The following CPSF6 variants were observed in gnomAD, a reference collection of about 807,000 sequenced individuals.
CPSF6 encodes cleavage and polyadenylation specific factor 6.
A neutral mutation model predicts 56.7 loss-of-function variants in CPSF6; 10 were observed. The observed-to-expected ratio is 0.18, with a 90% CI of 0.11 to 0.30. The LOEUF is 0.30. Ranked by LOEUF, CPSF6 falls within the 10% of genes least tolerant of loss-of-function variation. The pLI is 1.00. For synonymous variants in CPSF6, 248 were observed against 244.8 expected (o/e 1.01, Z -0.12); for missense variants, 419 against 722.9 (o/e 0.58, Z 4.82).
At chr12:69,251,486 A>G in intron 2 of CPSF6, 148 bp downstream of exon 2, 2 of 531,430 alleles carry the variant, frequency 3.8e-6, no homozygotes, top group Non-Finnish European at 6.4e-6. Context: ...GGAAATACAA[A>G]TATCTTTGCA....
chr12:69,253,795 G>C (rs937298110), intron 3 of CPSF6, among the ~76,000 whole-genome samples: 1 of 151,986 alleles, frequency 6.6e-6, no homozygotes, highest in Admixed American at 6.6e-5. Flanking sequence ...ATCATACCTG[G>C]TATGCTACTG....
rs1354515358 is a variant in CPSF6 at position 69,273,670 on chromosome 12, T to C, written c.*4162T>C. 6.6e-6 allele frequency: 1 copy of C among 151,994 alleles called. No individual in the cohort carries two copies. Among genetic ancestry groups the C allele is most frequent in the East Asian group, 1.9e-4 (1 of 5,204 alleles). 9.4% of individuals were successfully genotyped at this position (151,994 alleles called of 1,614,324 possible). ...CAACATTCTGTAAGTTAAATTATTT[T>C]AAAATAACTATGGTGAATTCATGTT... On this transcript the variant is annotated 3_prime_UTR_variant, in exon 10 of 10. Coordinates refer to ENST00000435070, the MANE Select transcript of CPSF6 (RefSeq NM_007007.3).
intron 3 of CPSF6, 115 bp from the exon 4 acceptor site, chr12:69,256,582 C>A: frequency 9.7e-7 from 1 of 1,033,422 alleles, no homozygotes; most frequent in Non-Finnish European, 1.4e-6. Flanking sequence ...GCATGAGCCA[C>A]TGTGCCCAGC....
chr12:69,257,603 G>A (rs910892495), intron 4 of CPSF6, 129 bp from the exon 5 acceptor site: 1 of 773,136 alleles, frequency 1.3e-6, no homozygotes. Context: ...ACTTTCTTAT[G>A]TAGTTTGCAT....
At chr12:69,248,861 T>A (rs1183983849) in intron 1 of CPSF6, among the ~76,000 whole-genome samples, 1 of 152,156 alleles carries the variant, frequency 6.6e-6, no homozygotes, top group Non-Finnish European at 1.5e-5. Context: ...ATTAATTACA[T>A]AAACGATTAC....
intron 4 of CPSF6, 93 bp from the exon 5 acceptor site, chr12:69,257,639 A>G (rs1872567160): frequency 4.3e-6 from 5 of 1,175,910 alleles, no homozygotes; most frequent in East Asian, 2.5e-5. Context: ...GCAAGTTAAT[A>G]TATTAGAAAT....
intron 8 of CPSF6, among the ~76,000 whole-genome samples, chr12:69,260,411 AC>A (rs1402761159): frequency 6.7e-6 from 1 of 149,862 alleles, no homozygotes; most frequent in African/African-American, 2.4e-5. Context: ...AGATTGAGGG[AC>A]TGTGTGATAA....
intron 1 of CPSF6, among the ~76,000 whole-genome samples, chr12:69,240,576 T>G (rs1759430391): frequency 6.6e-6 from 1 of 152,108 alleles, no homozygotes; most frequent in African/African-American, 2.4e-5. Context: ...CACCCACAGA[T>G]CTCATAGTGA....
rs575587234 is a variant in CPSF6 at position 69,273,199 on chromosome 12, A to G, written c.*3691A>G. The stretch of plus-strand genomic sequence containing the variant: ...TCTTTCTTGGCATTAGAAAGAAGCA[A>G]TATGAATTTTTGTGAATATTCTAAA... On this transcript the variant is annotated 3_prime_UTR_variant, in exon 10 of 10. Transcript: ENST00000435070. 3.8e-4 allele frequency: 194 copies of G among 517,262 alleles called. 3 individuals are homozygous for G. The highest frequency in any genetic ancestry group is 2.7e-3 in the South Asian group (185 of 68,216). The allele number at this position is 517,262 out of a possible 1,614,324, so 32.0% of individuals were successfully genotyped here.
In CPSF6 at chr12:69,263,537, G is replaced by A. The variant is rs1211343343; in HGVS notation, c.*3+975G>A. On this transcript the variant is annotated intron_variant, in intron 9 of 9. Coordinates refer to ENST00000435070, the MANE Select transcript of CPSF6 (RefSeq NM_007007.3). ...ATATTTTTTCTTTATATGTTGGTTG[G>A]CATATTCAAATTAAATTAAGGCTAA... Among the ~76,000 whole-genome samples, 3 of 151,776 alleles carry A rather than the reference G, an allele frequency of 2.0e-5. No individual in the cohort carries two copies. The East Asian group carries it at 5.8e-4, about 29-fold the overall frequency.
intron 7 of CPSF6, among the ~76,000 whole-genome samples, chr12:69,259,815 T>C (rs896124253): frequency 1.3e-5 from 2 of 152,372 alleles, no homozygotes; most frequent in African/African-American, 4.8e-5. Context: ...TTTATTCTTA[T>C]ATTTGCAAAA....
At chr12:69,241,874 G>GATTT (rs1366014983) in intron 1 of CPSF6, among the ~76,000 whole-genome samples, 2 of 150,444 alleles carry the variant, frequency 1.3e-5, no homozygotes, top group East Asian at 3.9e-4. Context: ...ATGATTGATT[G>GATTT]ATTTGTATAT....
chr12:69,262,904 A>G (rs1385853537), intron 9 of CPSF6, among the ~76,000 whole-genome samples: 2 of 152,188 alleles, frequency 1.3e-5, no homozygotes, highest in Non-Finnish European at 2.9e-5. Flanking sequence ...TGCAATTTAA[A>G]ATACAAAACA....
At position 69,240,805 on chromosome 12, in the gene CPSF6, G is replaced by T. The variant is rs139085102; in HGVS notation, c.60+1099G>T. ...GCGGGGCTGTGATGTCTGTTAATGG[G>T]CATCCTTGCAAAAGATGTCGTTTGT... On this transcript the variant is annotated intron_variant, in intron 1 of 9. Transcript: ENST00000435070. Among the ~76,000 whole-genome samples, 395 of 152,006 alleles carry T rather than the reference G, an allele frequency of 2.6e-3. 3 individuals carry two copies. The highest frequency in any genetic ancestry group is 8.6e-3 in the African/African-American group (357 of 41,444).
At chr12:69,264,809 A>G (rs772929218) in intron 9 of CPSF6, among the ~76,000 whole-genome samples, 30 of 152,142 alleles carry the variant, frequency 2.0e-4, no homozygotes, top group Non-Finnish European at 1.0e-4. Context: ...AACAAAAGCT[A>G]TCTGCAAATT....
chr12:69,264,439 CTTAT>C (rs1872881945), intron 9 of CPSF6, among the ~76,000 whole-genome samples: 1 of 152,074 alleles, frequency 6.6e-6, no homozygotes, highest in Non-Finnish European at 1.5e-5. Context: ...CATTGTTAAT[CTTAT>C]TTGAGTTAGC....
intron 1 of CPSF6, 114 bp from the exon 2 acceptor site, chr12:69,251,015 A>G: frequency 9.9e-7 from 1 of 1,014,826 alleles, no homozygotes. Context: ...TTGTACTGAA[A>G]TCCTTGGCCT....
chr12:69,251,450 T>TA (rs1872238170), intron 2 of CPSF6, 112 bp downstream of exon 2: 1 of 713,812 alleles, frequency 1.4e-6, no homozygotes. Context: ...TGTTTTTCTA[T>TA]ATGTGTTTGC....
intron 9 of CPSF6, among the ~76,000 whole-genome samples, chr12:69,264,980 T>G (rs1872902559): frequency 6.6e-6 from 1 of 152,148 alleles, no homozygotes; most frequent in Non-Finnish European, 1.5e-5. Context: ...AATACTAATG[T>G]AATCTATTAA....
Sources: gnomAD v4.1 joint callset for allele counts (sites outside exome capture counted in the v4.1 genomes callset) on GRCh38, gnomAD v4.1.1 for gene constraint, MANE v1.5 for transcripts, NCBI Gene and HGNC (gene_info 2026-07-23, HGNC 2026-07-21) for gene names.